The following NPAS2 variants were observed in gnomAD, a reference collection of about 807,000 sequenced individuals.
NPAS2 encodes neuronal PAS domain protein 2, also known as neuronal PAS domain-containing protein 2.
Under a neutral mutation model 107.5 loss-of-function variants are expected in NPAS2, and 23 were observed. The observed-to-expected ratio is 0.21, with a 90% confidence interval of 0.15 to 0.30. The LOEUF (loss-of-function observed/expected upper bound fraction) is 0.30. NPAS2 is among the 10% of genes least tolerant of loss of function. The pLI is 1.00. For synonymous variants in NPAS2, 403 were observed against 417.5 expected, an observed-to-expected ratio of 0.97 and a Z score of 0.42; for missense variants, 756 against 1,043.3, an observed-to-expected ratio of 0.72 and a Z score of 3.79.
At chr2:100,932,764 G>C in intron 3 of NPAS2, 146 bp from the exon 4 acceptor site, 1 of 620,994 alleles carries the variant, frequency 1.6e-6, no homozygotes, top group Non-Finnish European at 2.9e-6. Flanking sequence ...TGGAAATCAG[G>C]GTAACATATT....
intron 5 of NPAS2, among the ~76,000 whole-genome samples, chr2:100,945,609 T>C (rs1674845793): frequency 6.6e-6 from 1 of 152,182 alleles, no homozygotes; most frequent in Non-Finnish European, 1.5e-5. Context: ...CCGAGGCCTC[T>C]CTCATCTGGG....
intron 2 of NPAS2, among the ~76,000 whole-genome samples, chr2:100,912,398 G>C (rs942102413): frequency 1.3e-4 from 20 of 152,140 alleles, no homozygotes; most frequent in African/African-American, 4.8e-4. Context: ...GAAGGAACTT[G>C]GGTATCAGTG....
intron 1 of NPAS2, among the ~76,000 whole-genome samples, chr2:100,844,451 G>C (rs958052555): frequency 6.6e-6 from 1 of 152,180 alleles, no homozygotes; most frequent in Non-Finnish European, 1.5e-5. Flanking sequence ...TCTTTGCTCA[G>C]TTAGCCTCCA....
intron 2 of NPAS2, among the ~76,000 whole-genome samples, chr2:100,918,362 A>G (rs567061981): frequency 6.6e-6 from 1 of 152,280 alleles, no homozygotes; most frequent in African/African-American, 2.4e-5. Context: ...CCTAGACCTA[A>G]CACCAAAAGT....
At chr2:100,901,333 G>A (rs1681757839) in intron 1 of NPAS2, among the ~76,000 whole-genome samples, 1 of 152,066 alleles carries the variant, frequency 6.6e-6, no homozygotes, top group African/African-American at 2.4e-5. Context: ...CTTTCATCAG[G>A]CTCCCATAAT....
rs374897502 is a variant in NPAS2, at chr2:100,968,440, G to A, written c.1055+12G>A. 1.2e-4 allele frequency: 189 copies of A among 1,611,616 alleles called. No individual in the cohort carries two copies. The African/African-American group carries it at 2.0e-3, about 17-fold the overall frequency. The stretch of plus-strand genomic sequence containing the variant: ...CACTCGGTGGTCAGGTACCGCGCAC[G>A]GGCAGGGGTGCGGCTGCGTCCTTGT... On this transcript the variant is annotated intron_variant, in intron 11 of 20. Coordinates refer to ENST00000335681, the MANE Select transcript of NPAS2 (RefSeq NM_002518.4). The surrounding 1 kb of genome is among the most constrained non-coding windows in gnomAD (Gnocchi z 5.3).
intron 1 of NPAS2, among the ~76,000 whole-genome samples, chr2:100,896,223 C>G (rs527868960): frequency 1.3e-5 from 2 of 152,218 alleles, no homozygotes; most frequent in Non-Finnish European, 2.9e-5. Flanking sequence ...ATGAGGGGAA[C>G]GGGCTCATGA....
intron 1 of NPAS2, among the ~76,000 whole-genome samples, chr2:100,824,394 G>A (rs568908621): frequency 1.3e-5 from 2 of 152,284 alleles, no homozygotes; most frequent in South Asian, 2.1e-4. Flanking sequence ...GCTTTTCTTG[G>A]TACTTAAGCT....
At position 100,912,017 on chromosome 2, in the gene NPAS2, C is replaced by T. The variant is rs968381957; in HGVS notation, c.32+7231C>T. Among the ~76,000 whole-genome samples, 20 of 152,210 alleles carry T rather than the reference C, an allele frequency of 1.3e-4. No homozygotes were observed. The East Asian group carries it at 3.5e-3, about 26-fold the overall frequency. On this transcript the variant is annotated intron_variant, in intron 2 of 20. Transcript: ENST00000335681. ...TAATGTATTCTTTAGGAAAGTTCAC[C>T]TTTTATGGACAGCACTGTCTTCACT...
chr2:100,964,045 C>T lies in NPAS2; in HGVS notation c.599-13C>T. ...GGGCTAACCTATGTGTCCTCTTCTT[C>T]CCAACCCCCCAGTGCCTAGCCCCTC... On this transcript the variant is annotated splice_polypyrimidine_tract_variant and intron_variant, in intron 7 of 20. Coordinates refer to ENST00000335681, the MANE Select transcript of NPAS2 (RefSeq NM_002518.4). The T allele has an allele frequency of 2.5e-6, 4 of 1,581,076 alleles. No homozygotes were observed. In the African/African-American group the frequency reaches 4.0e-5, roughly 16 times the overall value.
intron 7 of NPAS2, among the ~76,000 whole-genome samples, chr2:100,955,308 G>A (rs2105092627): frequency 6.6e-6 from 1 of 152,256 alleles, no homozygotes; most frequent in East Asian, 1.9e-4. Flanking sequence ...TATAAATAAT[G>A]GAATGGGAAG....
chr2:100,885,454 T>G (rs1476209848), intron 1 of NPAS2, among the ~76,000 whole-genome samples: 2 of 152,232 alleles, frequency 1.3e-5, no homozygotes, highest in Non-Finnish European at 2.9e-5. Flanking sequence ...TATATGTGTA[T>G]GTGGCCTTGG....
chr2:100,852,230 C>T (rs202101034), intron 1 of NPAS2, among the ~76,000 whole-genome samples: 2 of 151,668 alleles, frequency 1.3e-5, no homozygotes, highest in African/African-American at 4.8e-5. Context: ...CCCCGTCTCT[C>T]CTAAAAAATA....
At position 100,995,940 on chromosome 2, in the gene NPAS2, A is replaced by G; in HGVS notation, c.*358A>G. ...TGCTCTAGCCACCTGCGGCCCGCCCATCTGCGCTAGCTGGCCTTCACGCTC... is the reference window on the plus strand; with the variant it reads ...TGCTCTAGCCACCTGCGGCCCGCCCGTCTGCGCTAGCTGGCCTTCACGCTC... On this transcript the variant is annotated 3_prime_UTR_variant, in exon 21 of 21. Coordinates refer to ENST00000335681, the MANE Select transcript of NPAS2 (RefSeq NM_002518.4). The G allele has an allele frequency of 1.4e-6, 2 of 1,381,710 alleles. No homozygotes were observed. The highest frequency in any genetic ancestry group is 9.5e-7 in the Non-Finnish European group (1 of 1,048,134). 85.6% of individuals were successfully genotyped at this position (1,381,710 alleles called of 1,614,324 possible).
At chr2:100,945,356 A>G (rs1219374222) in intron 5 of NPAS2, among the ~76,000 whole-genome samples, 1 of 152,084 alleles carries the variant, frequency 6.6e-6, no homozygotes, top group Non-Finnish European at 1.5e-5. Context: ...CGGCTGGCAC[A>G]TGGCGGCCCT....
chr2:100,933,702 C>T (rs1227416141), intron 4 of NPAS2, among the ~76,000 whole-genome samples: 1 of 152,186 alleles, frequency 6.6e-6, no homozygotes, highest in Non-Finnish European at 1.5e-5. Context: ...TAAGCCTCTA[C>T]AGAAACAACT....
chr2:100,924,224 T>C (rs928363345), intron 2 of NPAS2, among the ~76,000 whole-genome samples: 1 of 152,222 alleles, frequency 6.6e-6, no homozygotes, highest in African/African-American at 2.4e-5. Context: ...GCATTAGTTA[T>C]AGCTGATAAG....
In NPAS2 at chr2:100,980,192, C is replaced by T. The variant is rs115254764; in HGVS notation, c.1483-2039C>T. ...CGAATAACGTGAGAGGCAGCCACCACCTCCTAACCCAGCCCATCGCCACTC... is the reference window on the plus strand; with the variant it reads ...CGAATAACGTGAGAGGCAGCCACCATCTCCTAACCCAGCCCATCGCCACTC... On this transcript the variant is annotated intron_variant, in intron 15 of 20. Transcript: ENST00000335681. Among the ~76,000 whole-genome samples the T allele has an allele frequency of 8.5e-3, 1,293 of 152,260 alleles. 24 individuals carry two copies. The highest frequency in any genetic ancestry group is 0.029 in the African/African-American group (1,206 of 41,544).
intron 2 of NPAS2, among the ~76,000 whole-genome samples, chr2:100,908,181 C>T (rs1245047580): frequency 1.3e-5 from 2 of 152,152 alleles, no homozygotes; most frequent in African/African-American, 4.8e-5. Context: ...CTCTCTTAGC[C>T]TCAGTTTCTT....
Sources: gnomAD v4.1 joint callset for allele counts (sites outside exome capture counted in the v4.1 genomes callset) on GRCh38, gnomAD v4.1.1 for gene constraint, Gnocchi (gnomAD v3.1) non-coding constraint, MANE v1.5 for transcripts, NCBI Gene and HGNC (gene_info 2026-07-23, HGNC 2026-07-21) for gene names.